The following RIMS2 variants were observed in gnomAD, a reference collection of about 807,000 sequenced individuals.
RIMS2 encodes regulating synaptic membrane exocytosis protein 2.
A neutral mutation model predicts 174.4 loss-of-function variants in RIMS2; 59 were observed. That is an observed-to-expected ratio of 0.34 (90% CI 0.27 to 0.42). The LOEUF (loss-of-function observed/expected upper bound fraction) is 0.42, where lower values mean the gene tolerates loss of function less well. Ranked by LOEUF, RIMS2 falls within the 10% of genes least tolerant of loss-of-function variation. The pLI is 1.00. For missense variants in RIMS2, 1,620 were observed against 1,666.3 expected, an observed-to-expected ratio of 0.97 and a Z score of 0.48; for synonymous variants, 606 against 572.5, an observed-to-expected ratio of 1.06 and a Z score of -0.84.
chr8:104,107,318 A>G (rs2098089057), intron 19 of RIMS2, among the ~76,000 whole-genome samples: 1 of 152,058 alleles, frequency 6.6e-6, no homozygotes, highest in Non-Finnish European at 1.5e-5. Flanking sequence ...GCTTATATAT[A>G]ATGTTCTTTT....
intron 1 of RIMS2, among the ~76,000 whole-genome samples, chr8:103,583,171 G>C (rs2093710833): frequency 6.6e-6 from 1 of 152,036 alleles, no homozygotes. Flanking sequence ...CCTGGTTCTT[G>C]TTTTAGATTC....
intron 1 of RIMS2, among the ~76,000 whole-genome samples, chr8:103,587,466 A>AAGAAAG (rs2094011519): frequency 1.1e-5 from 1 of 94,516 alleles, no homozygotes; most frequent in African/African-American, 4.3e-5. Context: ...GAAAGAAAGA[A>AAGAAAG]AGAAACTATG....
At chr8:103,783,069 G>C (rs1362213898) in intron 3 of RIMS2, among the ~76,000 whole-genome samples, 1 of 152,096 alleles carries the variant, frequency 6.6e-6, no homozygotes. Flanking sequence ...TGTTGCCTGA[G>C]GCTGAGATCT....
chr8:103,590,372 A>G (rs1177603625), intron 1 of RIMS2, among the ~76,000 whole-genome samples: 1 of 151,390 alleles, frequency 6.6e-6, no homozygotes, highest in Admixed American at 6.6e-5. Flanking sequence ...CTGGGGCCAT[A>G]TCCACGAAGC....
chr8:103,986,167 C>T (rs1363835759), intron 16 of RIMS2, among the ~76,000 whole-genome samples: 1 of 152,114 alleles, frequency 6.6e-6, no homozygotes, highest in Non-Finnish European at 1.5e-5. Flanking sequence ...GCAATGTATA[C>T]ACTTATCAAA....
intron 2 of RIMS2, among the ~76,000 whole-genome samples, chr8:103,723,060 C>A (rs188288195): frequency 6.6e-6 from 1 of 151,972 alleles, no homozygotes; most frequent in Non-Finnish European, 1.5e-5. Context: ...TGCAGTGAGC[C>A]GAGATTGTGC....
intron 1 of RIMS2, among the ~76,000 whole-genome samples, chr8:103,525,333 A>G (rs953384608): frequency 6.6e-6 from 1 of 152,202 alleles, no homozygotes; most frequent in Admixed American, 6.5e-5. Context: ...TGTAAGCCCT[A>G]AGGAATAGCT....
chr8:104,092,501 T>C (rs532713857), intron 19 of RIMS2, among the ~76,000 whole-genome samples: 2 of 152,022 alleles, frequency 1.3e-5, no homozygotes, highest in African/African-American at 4.8e-5. Context: ...CATCACCAAG[T>C]TGTAATAATG....
chr8:103,946,885 A>G (rs72681392), intron 14 of RIMS2, among the ~76,000 whole-genome samples: 19,328 of 152,254 alleles, frequency 0.13, 1,697 homozygotes, highest in Non-Finnish European at 0.19. Flanking sequence ...TGTAATACTG[A>G]CATAATGATA....
intron 12 of RIMS2, 51 bp downstream of exon 14, chr8:103,931,444 T>C: frequency 7.8e-7 from 1 of 1,286,500 alleles, no homozygotes; most frequent in Non-Finnish European, 1.1e-6. Flanking sequence ...GAGAAAATGT[T>C]CATAGCAATG....
intron 13 of RIMS2, among the ~76,000 whole-genome samples, chr8:103,939,625 T>A (rs1470687466): frequency 1.3e-5 from 2 of 152,198 alleles, no homozygotes; most frequent in African/African-American, 4.8e-5. Flanking sequence ...CTGGCTTGAA[T>A]TTTTCCTCAG....
At chr8:103,793,953 A>G (rs1291761233) in intron 3 of RIMS2, among the ~76,000 whole-genome samples, 1 of 152,236 alleles carries the variant, frequency 6.6e-6, no homozygotes, top group African/African-American at 2.4e-5. Flanking sequence ...AAATGAAAGA[A>G]CATTCCATGC....
chr8:103,876,865 TATATA>T (rs1400150360), intron 3 of RIMS2, among the ~76,000 whole-genome samples: 281 of 19,548 alleles, frequency 0.014, 9 homozygotes, highest in Non-Finnish European at 0.031. Flanking sequence ...CACACTATTT[TATATA>T]TATATATATA....
At chr8:103,645,810 T>A (rs2096315935) in intron 1 of RIMS2, among the ~76,000 whole-genome samples, 1 of 152,092 alleles carries the variant, frequency 6.6e-6, no homozygotes, top group Non-Finnish European at 1.5e-5. Context: ...AAGGAATAAT[T>A]TAATTTTAAT....
At chr8:103,518,920 T>C (rs977472860) in intron 1 of RIMS2, among the ~76,000 whole-genome samples, 7 of 152,274 alleles carry the variant, frequency 4.6e-5, no homozygotes, top group African/African-American at 1.7e-4. Context: ...TTCTTAAAAA[T>C]GAAATTTAAA....
intron 19 of RIMS2, among the ~76,000 whole-genome samples, chr8:104,036,532 A>T (rs1368562797): frequency 1.3e-5 from 2 of 152,140 alleles, no homozygotes; most frequent in African/African-American, 4.8e-5. Context: ...TTGGATTTCA[A>T]AGATAAAGTC....
chr8:104,192,274 G>A (rs903546115), intron 19 of RIMS2, among the ~76,000 whole-genome samples: 3 of 152,024 alleles, frequency 2.0e-5, no homozygotes, highest in Non-Finnish European at 2.9e-5. Flanking sequence ...CATGCTTTGT[G>A]AAACTGATAG....
At chr8:103,734,014 CTTTTTTTTTTTTT>C (rs59348302) in intron 2 of RIMS2, among the ~76,000 whole-genome samples, 5 of 85,736 alleles carry the variant, frequency 5.8e-5, no homozygotes, top group Admixed American at 1.6e-4. Flanking sequence ...CTAAAAGCTT[CTTTTTTTTTTTTT>C]TTTTTTTTTT....
chr8:104,242,375 A>C (rs73696571), intron 19 of RIMS2, among the ~76,000 whole-genome samples: 30,679 of 152,106 alleles, frequency 0.2, 3,381 homozygotes, highest in Middle Eastern at 0.26. Context: ...ACAATTTTCT[A>C]ATCTCATCTA....
Sources: gnomAD v4.1 joint callset for allele counts (sites outside exome capture counted in the v4.1 genomes callset) on GRCh38, gnomAD v4.1.1 for gene constraint, MANE v1.5 for transcripts, NCBI Gene and HGNC (gene_info 2026-07-23, HGNC 2026-07-21) for gene names.